Variants in NEGR1 observed in about 807,000 individuals in gnomAD.
NEGR1 encodes IgLON family member 4.
NEGR1 carries 10 observed loss-of-function variants against 40.9 expected under a neutral mutation model. The observed-to-expected ratio is 0.24, with a 90% CI of 0.15 to 0.42. NEGR1 has a LOEUF of 0.42. Ranked by LOEUF, NEGR1 falls within the 10% of genes least tolerant of loss-of-function variation. NEGR1 has a pLI of 1.00. For missense variants in NEGR1, 352 were observed against 438.9 expected (o/e 0.80, Z 1.77); for synonymous variants, 185 against 166.8 (o/e 1.11, Z -0.84).
At chr1:71,732,498 G>GTGTT (rs988398613) in intron 3 of NEGR1, among the ~76,000 whole-genome samples, 3 of 150,508 alleles carry the variant, frequency 2.0e-5, no homozygotes, top group African/African-American at 7.4e-5. Context: ...AATGCTGTGT[G>GTGTT]TGTGTGTGTG....
intron 2 of NEGR1, among the ~76,000 whole-genome samples, chr1:71,928,049 C>CACACAT (rs762927832): frequency 1.2e-5 from 1 of 86,190 alleles, no homozygotes; most frequent in African/African-American, 4.9e-5. Context: ...CACACACACA[C>CACACAT]GTATATATAT....
intron 1 of NEGR1, among the ~76,000 whole-genome samples, chr1:72,133,787 T>C (rs1473891377): frequency 6.6e-6 from 1 of 151,510 alleles, no homozygotes; most frequent in East Asian, 1.9e-4. Context: ...ATTAATTATA[T>C]ATTATATTTC....
At position 72,177,114 on chromosome 1, in the gene NEGR1, G is replaced by A. The variant is rs116706779; in HGVS notation, c.176+105205C>T. ...GTGGACCTATTATTTGTCAGAAATC[G>A]ATCTAAGTGTTGTAGTAGTTATATG... On this transcript the variant is annotated intron_variant, in intron 1 of 6. Transcript: ENST00000357731. Among the ~76,000 whole-genome samples, 1,315 of 152,088 alleles carry A rather than the reference G, an allele frequency of 8.6e-3. 21 individuals are homozygous for A. The highest frequency in any genetic ancestry group is 0.03 in the African/African-American group (1,250 of 41,522).
intron 3 of NEGR1, among the ~76,000 whole-genome samples, chr1:71,772,794 A>G (rs1288826356): frequency 6.6e-6 from 1 of 152,180 alleles, no homozygotes; most frequent in Non-Finnish European, 1.5e-5. Flanking sequence ...TGAAATATAT[A>G]TATGTATATA....
intron 1 of NEGR1, among the ~76,000 whole-genome samples, chr1:71,938,209 T>A (rs568149141): frequency 2.0e-5 from 3 of 152,228 alleles, no homozygotes; most frequent in South Asian, 4.1e-4. Flanking sequence ...CATTATTATG[T>A]TAGAACATAA....
intron 4 of NEGR1, among the ~76,000 whole-genome samples, chr1:71,653,177 GAAGA>G (rs1651771867): frequency 6.6e-6 from 1 of 152,164 alleles, no homozygotes. Context: ...AGGGATGAAG[GAAGA>G]AAGAGAAAAT....
Position 71,725,532 on chromosome 1 carries a change from C to T in NEGR1, c.536-27393G>A, listed in dbSNP as rs1263730969. On this transcript the variant is annotated intron_variant, in intron 3 of 6. Coordinates refer to ENST00000357731, the MANE Select transcript of NEGR1 (RefSeq NM_173808.3). ...ACATAGTTGCATCACAAGTAAGAAG[C>T]GTATGCTGAACTTTACGATTAATAA... is the stretch of plus-strand genomic sequence containing the variant. Among the ~76,000 whole-genome samples the T allele has an allele frequency of 4.6e-5, 7 of 151,994 alleles. No individual in the cohort carries two copies. The East Asian group carries it at 7.7e-4, about 17-fold the overall frequency.
At chr1:71,647,467 G>C (rs1396002780) in intron 4 of NEGR1, among the ~76,000 whole-genome samples, 1 of 151,864 alleles carries the variant, frequency 6.6e-6, no homozygotes, top group Non-Finnish European at 1.5e-5. Context: ...TATTGGTGAA[G>C]AAATAGTCAT....
intron 1 of NEGR1, among the ~76,000 whole-genome samples, chr1:71,947,909 T>C (rs1041902403): frequency 2.0e-5 from 3 of 152,332 alleles, no homozygotes; most frequent in Middle Eastern, 3.4e-3. Context: ...ATTTTTCTAA[T>C]GGTAAGCTAC....
intron 3 of NEGR1, among the ~76,000 whole-genome samples, chr1:71,720,159 C>T (rs1557626502): frequency 6.6e-6 from 1 of 152,076 alleles, no homozygotes; most frequent in Admixed American, 6.6e-5. Context: ...TTTTTTAAAA[C>T]AAATAAAGTA....
chr1:72,192,608 A>G (rs1340354302), intron 1 of NEGR1, among the ~76,000 whole-genome samples: 1 of 151,858 alleles, frequency 6.6e-6, no homozygotes, highest in Non-Finnish European at 1.5e-5. Flanking sequence ...ATGTATTTTT[A>G]GCAATGATTC....
At chr1:72,044,834 G>C (rs1486086) in intron 1 of NEGR1, among the ~76,000 whole-genome samples, 21,868 of 151,680 alleles carry the variant, frequency 0.14, 1,669 homozygotes, top group South Asian at 0.17. Flanking sequence ...CTTATGAATA[G>C]AGTTAATACT....
intron 2 of NEGR1, among the ~76,000 whole-genome samples, chr1:71,867,219 C>T (rs1397184493): frequency 6.6e-6 from 1 of 152,022 alleles, no homozygotes; most frequent in Non-Finnish European, 1.5e-5. Flanking sequence ...ACTAAAAATA[C>T]AAAAAATAGC....
intron 4 of NEGR1, among the ~76,000 whole-genome samples, chr1:71,667,669 T>C (rs1203231282): frequency 6.6e-6 from 1 of 152,236 alleles, no homozygotes; most frequent in African/African-American, 2.4e-5. Context: ...TGTTGTTTGA[T>C]CAAATCTTAC....
At chr1:71,862,930 T>C (rs1659995160) in intron 2 of NEGR1, among the ~76,000 whole-genome samples, 1 of 152,126 alleles carries the variant, frequency 6.6e-6, no homozygotes, top group African/African-American at 2.4e-5. Flanking sequence ...ATGCTGATTA[T>C]TAAAAAGTCA....
At chr1:71,569,765 C>A (rs1321716288) in intron 6 of NEGR1, among the ~76,000 whole-genome samples, 1 of 152,058 alleles carries the variant, frequency 6.6e-6, no homozygotes, top group Non-Finnish European at 1.5e-5. Flanking sequence ...CAGAAAGTGT[C>A]ATTATATGTG....
intron 2 of NEGR1, among the ~76,000 whole-genome samples, chr1:71,862,693 C>G (rs996737939): frequency 1.3e-5 from 2 of 151,796 alleles, no homozygotes; most frequent in African/African-American, 4.8e-5. Flanking sequence ...CATATGCCAT[C>G]AAAAATACAT....
intron 3 of NEGR1, among the ~76,000 whole-genome samples, chr1:71,749,468 C>T (rs990679660): frequency 3.3e-5 from 5 of 152,156 alleles, no homozygotes; most frequent in African/African-American, 7.2e-5. Flanking sequence ...ATCTGCAGCA[C>T]TTATATCATA....
In NEGR1 at chr1:71,816,995, ACCTAGCTCCCATT is replaced by A. The variant is rs539261322; in HGVS notation, c.410-40711_410-40699del. ...ACTATCCTGACTCCAGTCCCTCTTC[ACCTAGCTCCCATT>A]CCTTTATTTGCCTCCACAGCAAGCC... On this transcript the variant is annotated intron_variant, in intron 2 of 6. Transcript: ENST00000357731. Among the ~76,000 whole-genome samples, 275 of 151,230 alleles carry A rather than the reference ACCTAGCTCCCATT, an allele frequency of 1.8e-3. 1 individual carries two copies. The Middle Eastern group carries it at 0.065, about 36-fold the overall frequency.
Sources: allele counts gnomAD v4.1 joint callset (sites outside exome capture counted in the v4.1 genomes callset), GRCh38; gene constraint gnomAD v4.1.1; transcripts MANE v1.5; gene names NCBI Gene and HGNC (gene_info 2026-07-23, HGNC 2026-07-21).